ZNF679: variants seen among roughly 807,000 people sequenced by gnomAD.
ZNF679 encodes hypothetical protein MGC42415.
Under a neutral mutation model 13.4 loss-of-function variants are expected in ZNF679, and 10 were observed. The observed-to-expected ratio is 0.75, with a 90% CI of 0.46 to 1.27. The LOEUF is 1.27. ZNF679 is among the 50% of genes most tolerant of loss of function. The probability of loss-of-function intolerance (pLI) is 0.00; values close to 1 mark genes in which losing one functional copy is unlikely to be tolerated. For synonymous variants in ZNF679, 179 were observed against 162.5 expected (o/e 1.10, Z -0.77); for missense variants, 525 against 477.8 (o/e 1.10, Z -0.92).
At chr7:64,248,484 A>G (rs930309381) in intron 1 of ZNF679, among the ~76,000 whole-genome samples, 3 of 151,762 alleles carry the variant, frequency 2.0e-5, no homozygotes, top group Non-Finnish European at 4.4e-5. Context: ...GTTTCACCGT[A>G]TTGGCCAGGC....
At chr7:64,241,609 G>A (rs928923762) in intron 1 of ZNF679, among the ~76,000 whole-genome samples, 1 of 152,318 alleles carries the variant, frequency 6.6e-6, no homozygotes, top group Non-Finnish European at 1.5e-5. Flanking sequence ...CCTAGGTGAT[G>A]GGTCTAGAGA....
chr7:64,266,492 A>C lies in ZNF679; in HGVS notation c.859A>C (p.Lys287Gln). ...FSRSSTLANH[K>Q]RIHTGEKPYT... ...CCGCTCCTCAACACTTGCTAACCAC[A>C]AGAGAATTCATACTGGAGAGAAACC... Residue 287 changes from lysine (K) to glutamine (Q), a missense_variant, in exon 5 of 5, where the codon AAG (lysine) becomes CAG (glutamine). Physicochemically the swap from Lys to Gln is moderately conservative, Grantham distance 53 (BLOSUM62 1). Transcript: ENST00000421025. The C allele has an allele frequency of 6.2e-7, 1 of 1,613,568 alleles. No homozygotes were observed. Among genetic ancestry groups the C allele is most frequent in the Non-Finnish European group, 8.5e-7 (1 of 1,179,814 alleles).
chr7:64,238,703 A>T (rs1329949895), intron 1 of ZNF679, among the ~76,000 whole-genome samples: 1 of 152,180 alleles, frequency 6.6e-6, no homozygotes, highest in Non-Finnish European at 1.5e-5. Flanking sequence ...ACTACTTTAG[A>T]ATGAAGTTAT....
At chr7:64,238,374 G>T (rs1313423795) in intron 1 of ZNF679, among the ~76,000 whole-genome samples, 1 of 151,874 alleles carries the variant, frequency 6.6e-6, no homozygotes, top group African/African-American at 2.4e-5. Flanking sequence ...ATTATGTTTG[G>T]TGCTTCCCCC....
chr7:64,266,180 C>T lies in ZNF679; in HGVS notation c.547C>T (p.His183Tyr). The T allele has an allele frequency of 6.3e-6, 10 of 1,594,170 alleles. No individual in the cohort carries two copies. Among genetic ancestry groups the T allele is most frequent in the Non-Finnish European group, 8.6e-6 (10 of 1,168,638 alleles). ...RHKTRHTGKKHFKCKKYGKSF... is the reference protein window; with the variant it reads ...RHKTRHTGKKYFKCKKYGKSF... ...TAAGACAAGACATACTGGAAAGAAA[C>T]ATTTCAAATGTAAAAAATATGGCAA... Residue 183 changes from histidine (H) to tyrosine (Y), a missense_variant, in exon 5 of 5, where the codon CAT (histidine) becomes TAT (tyrosine). Coordinates refer to ENST00000421025, the MANE Select transcript of ZNF679 (RefSeq NM_153363.3).
At chr7:64,263,305 G>A (rs1788102287) in intron 4 of ZNF679, among the ~76,000 whole-genome samples, 1 of 151,852 alleles carries the variant, frequency 6.6e-6, no homozygotes, top group Admixed American at 6.6e-5. Flanking sequence ...TCCCAAGGCT[G>A]GTATCAAACT....
chr7:64,246,007 AAAAC>A (rs1345655783), intron 1 of ZNF679, among the ~76,000 whole-genome samples: 9 of 152,232 alleles, frequency 5.9e-5, no homozygotes, highest in Non-Finnish European at 8.8e-5. Flanking sequence ...ACTCCGTCTC[AAAAC>A]AAACAAACAA....
At chr7:64,249,617 C>T (rs1318685390) in intron 2 of ZNF679, among the ~76,000 whole-genome samples, 1 of 152,086 alleles carries the variant, frequency 6.6e-6, no homozygotes, top group African/African-American at 2.4e-5. Flanking sequence ...TCATAGAGTG[C>T]CCAGCTATGG....
intron 2 of ZNF679, among the ~76,000 whole-genome samples, chr7:64,258,248 G>C (rs1417883923): frequency 6.6e-6 from 1 of 152,126 alleles, no homozygotes; most frequent in Admixed American, 6.5e-5. Context: ...TTTCTGCCGT[G>C]GGTGTGTGTG....
chr7:64,234,792 G>T (rs1035964601), intron 1 of ZNF679, among the ~76,000 whole-genome samples: 1 of 152,134 alleles, frequency 6.6e-6, no homozygotes, highest in South Asian at 2.1e-4. Flanking sequence ...CTCATGTCCT[G>T]CCCAGTGGTG....
chr7:64,254,369 A>G (rs959144099), intron 2 of ZNF679, among the ~76,000 whole-genome samples: 8 of 151,996 alleles, frequency 5.3e-5, no homozygotes, highest in Non-Finnish European at 1.2e-4. Context: ...CACCTGCCTC[A>G]GCCTCCCAAA....
intron 1 of ZNF679, among the ~76,000 whole-genome samples, chr7:64,229,511 C>T (rs977913875): frequency 1.3e-5 from 2 of 152,070 alleles, no homozygotes; most frequent in Non-Finnish European, 2.9e-5. Context: ...TATAACCTCA[C>T]CAGTGGGCTG....
intron 1 of ZNF679, among the ~76,000 whole-genome samples, chr7:64,247,561 GTTTC>G (rs936143615): frequency 3.4e-5 from 5 of 146,692 alleles, no homozygotes; most frequent in East Asian, 2.1e-4. Flanking sequence ...TATTCCACCT[GTTTC>G]TTTCTTATTT....
Position 64,266,522 on chromosome 7 carries a change from A to T in ZNF679, c.889A>T (p.Thr297Ser). ...KRIHTGEKPY[T>S]CEECGKAFSL... ...AATTCATACTGGAGAGAAACCATACACATGTGAAGAATGTGGCAAAGCCTT... is the reference window on the plus strand; with the variant it reads ...AATTCATACTGGAGAGAAACCATACTCATGTGAAGAATGTGGCAAAGCCTT... The change falls in exon 5 of 5, where the codon ACA (threonine) becomes TCA (serine). Residue 297 changes from threonine (T) to serine (S), a missense_variant. Thr to Ser is a moderately conservative substitution (Grantham distance 58). Coordinates refer to ENST00000421025, the MANE Select transcript of ZNF679 (RefSeq NM_153363.3). 6.2e-7 allele frequency: 1 copy of T among 1,612,448 alleles called. No individual in the cohort carries two copies. Among genetic ancestry groups the T allele is most frequent in the Non-Finnish European group, 8.5e-7 (1 of 1,178,734 alleles).
chr7:64,265,773 G>T (rs76466159), intron 4 of ZNF679, 123 bp from the exon 5 acceptor site: 45,747 of 1,062,866 alleles, frequency 0.043, 1,260 homozygotes, highest in Non-Finnish European at 0.051. Flanking sequence ...AGGAATTATG[G>T]CCTGTGGTAA....
chr7:64,249,124 A>G lies in ZNF679; in HGVS notation c.7A>G (p.Lys3Glu), dbSNP rs1787908373. The G allele has an allele frequency of 3.7e-6, 6 of 1,614,126 alleles. No individual in the cohort carries two copies. The highest frequency in any genetic ancestry group is 1.1e-5 in the South Asian group (1 of 91,082). Residue 3 changes from lysine to glutamate, a missense_variant, in exon 2 of 5, where the codon AAA becomes GAA. Lys to Glu is a moderately conservative substitution (Grantham distance 56, BLOSUM62 1). Transcript: ENST00000421025. MA[K>E]RPGSPGSREM... Reference sequence around the variant, plus strand: ...TGCAGGTATCCGCAGATTTATGGCTAAAAGACCGGGATCCCCTGGAAGCCG... The same window carrying G: ...TGCAGGTATCCGCAGATTTATGGCTGAAAGACCGGGATCCCCTGGAAGCCG...
chr7:64,242,721 C>T (rs371540097), intron 1 of ZNF679, among the ~76,000 whole-genome samples: 1 of 152,118 alleles, frequency 6.6e-6, no homozygotes, highest in East Asian at 1.9e-4. Context: ...CTCTCTGTCC[C>T]ATCTGAGGGC....
chr7:64,257,801 T>C (rs1788022826), intron 2 of ZNF679, among the ~76,000 whole-genome samples: 1 of 152,224 alleles, frequency 6.6e-6, no homozygotes, highest in Non-Finnish European at 1.5e-5. Flanking sequence ...TGTAAGGGAC[T>C]CTTTGCTGTG....
chr7:64,245,992 G>A (rs1332128553), intron 1 of ZNF679, among the ~76,000 whole-genome samples: 1 of 152,140 alleles, frequency 6.6e-6, no homozygotes, highest in East Asian at 1.9e-4. Context: ...GGCAACAAGA[G>A]CGAGACTCCG....
Sources: gnomAD v4.1 joint callset for allele counts (sites outside exome capture counted in the v4.1 genomes callset) on GRCh38, gnomAD v4.1.1 for gene constraint, MANE v1.5 for transcripts, NCBI Gene and HGNC (gene_info 2026-07-23, HGNC 2026-07-21) for gene names.